USP4: variants seen among roughly 807,000 people sequenced by gnomAD.
The protein encoded by USP4 is ubiquitin carboxyl-terminal hydrolase 4.
In USP4, 72 loss-of-function variants were observed where a neutral mutation model predicts 118.2. That is an observed-to-expected ratio of 0.61 (90% confidence interval 0.50 to 0.74). The LOEUF is 0.74. Among genes scored for constraint, USP4 ranks in the 30% least tolerant of loss-of-function variants. The pLI is 0.00. For missense variants in USP4, 1,037 were observed against 1,185.7 expected (o/e 0.87, Z 1.84); for synonymous variants, 415 against 440.4 (o/e 0.94, Z 0.72).
intron 8 of USP4, among the ~76,000 whole-genome samples, chr3:49,308,522 T>C (rs1011267908): frequency 6.6e-6 from 1 of 152,110 alleles, no homozygotes; most frequent in Middle Eastern, 3.4e-3. Context: ...GGTTTCACTA[T>C]GTTGGCCAAG....
At chr3:49,283,168 A>G (rs1002006081) in intron 19 of USP4, among the ~76,000 whole-genome samples, 2 of 150,850 alleles carry the variant, frequency 1.3e-5, no homozygotes, top group Non-Finnish European at 2.9e-5. Context: ...GGTGTGCGCC[A>G]CCACATCCAG....
chr3:49,309,728 G>A (rs945624791), intron 8 of USP4, among the ~76,000 whole-genome samples: 1 of 141,006 alleles, frequency 7.1e-6, no homozygotes, highest in Non-Finnish European at 1.5e-5. Flanking sequence ...CTGGGTTCAA[G>A]CGATTCTCCT....
Position 49,280,789 on chromosome 3 carries a change from G to C in USP4, c.2599C>G (p.Leu867Val), listed in dbSNP as rs1027648096. 1.9e-6 allele frequency: 3 copies of C among 1,614,110 alleles called. No homozygotes were observed. The highest frequency in any genetic ancestry group is 1.7e-6 in the Non-Finnish European group (2 of 1,180,006). The change falls in exon 20 of 22, where the codon CTC (leucine) becomes GTC (valine). Residue 867 changes from leucine (L) to valine (V), a missense_variant. Transcript: ENST00000265560. The stretch of plus-strand genomic sequence containing the variant: ...CCATAATGATTGGACACGGCAATGA[G>C]GTCGTACACATAAGGCCTTGCTGAC... ...NLSARPYVYD[L>V]IAVSNHYGAM...
At chr3:49,299,122 C>T (rs1482331822) in intron 11 of USP4, among the ~76,000 whole-genome samples, 1 of 151,810 alleles carries the variant, frequency 6.6e-6, no homozygotes, top group African/African-American at 2.4e-5. Flanking sequence ...CACAGTCTTG[C>T]TCTGTCACAC....
chr3:49,325,877 C>A lies in USP4; in HGVS notation c.361-32G>T, dbSNP rs199860506. 3.4e-5 allele frequency: 55 copies of A among 1,608,992 alleles called. 1 individual carries two copies. Among genetic ancestry groups the A allele is most frequent in the Non-Finnish European group, 4.4e-5 (52 of 1,177,150 alleles). On this transcript the variant is annotated intron_variant, in intron 3 of 21. Transcript: ENST00000265560. ...ACAAGAGGCAGGGGTGAGGGCATAG[C>A]GGTTTTGCAGCTGGGCAGTCTTGGA...
intron 13 of USP4, among the ~76,000 whole-genome samples, chr3:49,295,086 G>A (rs1257301660): frequency 1.3e-5 from 2 of 152,038 alleles, no homozygotes; most frequent in East Asian, 1.9e-4. Flanking sequence ...TCAGGAGATT[G>A]AGACCATCCT....
chr3:49,281,581 G>C (rs1016132509), intron 19 of USP4, among the ~76,000 whole-genome samples: 1 of 150,138 alleles, frequency 6.7e-6, no homozygotes, highest in African/African-American at 2.5e-5. Flanking sequence ...GGGCATGGTG[G>C]CACACACCTG....
Position 49,284,087 on chromosome 3 carries a change from G to C in USP4, c.2440C>G (p.Leu814Val), listed in dbSNP as rs766333489. 2.2e-5 allele frequency: 35 copies of C among 1,614,138 alleles called. No homozygotes were observed. Among genetic ancestry groups the C allele is most frequent in the African/African-American group, 4.0e-5 (3 of 74,942 alleles). The change falls in exon 19 of 22, where the codon CTA (leucine) becomes GTA (valine). Residue 814 changes from leucine to valine, a missense_variant. By Grantham distance (32) the Leu-to-Val change is conservative (BLOSUM62 1). Coordinates refer to ENST00000265560, the MANE Select transcript of USP4 (RefSeq NM_003363.4). Reference protein sequence around the residue: ...KHQQATKKFDLWSLPKILVVH... With the variant: ...KHQQATKKFDVWSLPKILVVH... ...ACCAGGATCTTGGGCAAGGACCATA[G>C]GTCAAACTTTTTTGTGGCCTGTTGA...
chr3:49,282,687 A>AC (rs553728754), intron 19 of USP4, among the ~76,000 whole-genome samples: 13 of 151,168 alleles, frequency 8.6e-5, no homozygotes, highest in Non-Finnish European at 1.8e-4. Context: ...TTTAAAATCT[A>AC]CATTTTGTGG....
intron 20 of USP4, 40 bp downstream of exon 20, chr3:49,280,703 AC>A (rs776669736): frequency 1.2e-4 from 182 of 1,543,832 alleles, no homozygotes; most frequent in South Asian, 8.9e-5. Flanking sequence ...ATGGCCGAGC[AC>A]ATTTCAACAT....
At chr3:49,308,997 A>T (rs1383195143) in intron 8 of USP4, among the ~76,000 whole-genome samples, 2 of 146,476 alleles carry the variant, frequency 1.4e-5, no homozygotes, top group Non-Finnish European at 3.0e-5. Context: ...GCGCGACTGC[A>T]CTCCAGCCTG....
chr3:49,335,266 T>G (rs1004420489), intron 2 of USP4, among the ~76,000 whole-genome samples: 4 of 152,196 alleles, frequency 2.6e-5, no homozygotes, highest in African/African-American at 9.6e-5. Context: ...CATACTCTTA[T>G]CAGATGCAGT....
chr3:49,327,550 A>G, intron 3 of USP4, 136 bp downstream of exon 3: 2 of 895,066 alleles, frequency 2.2e-6, no homozygotes, highest in Admixed American at 3.0e-5. Flanking sequence ...AAAAAAAAAG[A>G]GATCCAGAAA....
chr3:49,305,900 C>G lies in USP4; in HGVS notation c.955-12G>C. On this transcript the variant is annotated splice_polypyrimidine_tract_variant and intron_variant, in intron 8 of 21. Coordinates refer to ENST00000265560, the MANE Select transcript of USP4 (RefSeq NM_003363.4). Reference sequence around the variant, plus strand: ...GTGTTGCTCAAACACTGAAACAGAACATGATGAGGGCTTTACACACCTTCT... The same window carrying G: ...GTGTTGCTCAAACACTGAAACAGAAGATGATGAGGGCTTTACACACCTTCT... 1 of 1,610,516 alleles carries G rather than the reference C, an allele frequency of 6.2e-7. No individual in the cohort carries two copies. Among genetic ancestry groups the G allele is most frequent in the African/African-American group, 1.3e-5 (1 of 74,884 alleles).
intron 2 of USP4, among the ~76,000 whole-genome samples, chr3:49,330,852 T>C (rs1320938427): frequency 6.8e-6 from 1 of 146,424 alleles, no homozygotes; most frequent in South Asian, 2.2e-4. Flanking sequence ...CTACTAAAAA[T>C]ACAAAAAAAG....
intron 1 of USP4, among the ~76,000 whole-genome samples, chr3:49,338,556 G>A (rs1329145961): frequency 6.6e-6 from 1 of 151,608 alleles, no homozygotes; most frequent in Non-Finnish European, 1.5e-5. Flanking sequence ...TAGCTACTGG[G>A]GAGGCTGAGG....
chr3:49,299,069 G>A (rs780865298), intron 11 of USP4, among the ~76,000 whole-genome samples: 85 of 151,588 alleles, frequency 5.6e-4, no homozygotes, highest in Non-Finnish European at 5.9e-5. Context: ...CACCAAGCCC[G>A]GCCTCAACTT....
intron 6 of USP4, among the ~76,000 whole-genome samples, chr3:49,323,696 C>T (rs2047523690): frequency 6.6e-6 from 1 of 152,080 alleles, no homozygotes; most frequent in Non-Finnish European, 1.5e-5. Context: ...ACCTAGGAGC[C>T]CACTACTATG....
intron 6 of USP4, chr3:49,312,391 G>A: frequency 2.3e-6 from 1 of 433,258 alleles, no homozygotes; most frequent in Non-Finnish European, 4.7e-6. Context: ...CGGGAGGCTG[G>A]GGCAGAAGCA....
Sources: gnomAD v4.1 joint callset for allele counts (sites outside exome capture counted in the v4.1 genomes callset) on GRCh38, gnomAD v4.1.1 for gene constraint, MANE v1.5 for transcripts, NCBI Gene and HGNC (gene_info 2026-07-23, HGNC 2026-07-21) for gene names.